Variants in COL13A1 observed in about 807,000 individuals in gnomAD.
The protein encoded by COL13A1 is collagen type XIII alpha 1 chain, also known as collagen alpha-1(XIII) chain.
COL13A1 carries 89 observed loss-of-function variants against 130.9 expected under a neutral mutation model. The observed-to-expected ratio is 0.68, with a 90% CI of 0.57 to 0.81. The LOEUF (loss-of-function observed/expected upper bound fraction) is 0.81. Ranked by LOEUF, COL13A1 falls within the 30% of genes least tolerant of loss-of-function variation. The probability of loss-of-function intolerance (pLI) is 0.00; values close to 1 mark genes in which losing one functional copy is unlikely to be tolerated. For synonymous variants in COL13A1, 402 were observed against 341.6 expected, an observed-to-expected ratio of 1.18 and a Z score of -1.95; for missense variants, 879 against 934.6, an observed-to-expected ratio of 0.94 and a Z score of 0.78.
At chr10:69,920,937 A>G (rs1459515039) in intron 21 of COL13A1, among the ~76,000 whole-genome samples, 2 of 152,170 alleles carry the variant, frequency 1.3e-5, no homozygotes. Flanking sequence ...GGGGTTCAGC[A>G]TCTCTAAGGG....
intron 2 of COL13A1, among the ~76,000 whole-genome samples, chr10:69,835,288 A>G (rs1292653493): frequency 6.6e-6 from 1 of 152,196 alleles, no homozygotes; most frequent in Non-Finnish European, 1.5e-5. Context: ...GGAAAGGAGC[A>G]GCAAGTGGGA....
intron 4 of COL13A1, among the ~76,000 whole-genome samples, chr10:69,874,257 C>A (rs2059368726): frequency 6.6e-6 from 1 of 152,186 alleles, no homozygotes; most frequent in Non-Finnish European, 1.5e-5. Flanking sequence ...GTGGGGTTAG[C>A]AGACGCAGAG....
chr10:69,934,669 A>T lies in COL13A1; in HGVS notation c.1729-681A>T, dbSNP rs557166323. On this transcript the variant is annotated intron_variant, in intron 31 of 40. Coordinates refer to ENST00000645393, the MANE Select transcript of COL13A1 (RefSeq NM_001368882.1). ...CTGCAATGGGCACCACCCTCTGTAGAGGAGGCAGCCCTGAGCTCCTCCATC... is the reference window on the plus strand; with the variant it reads ...CTGCAATGGGCACCACCCTCTGTAGTGGAGGCAGCCCTGAGCTCCTCCATC... Among the ~76,000 whole-genome samples the T allele has an allele frequency of 9.2e-5, 14 of 152,360 alleles. No individual in the cohort carries two copies. In the South Asian group the frequency reaches 2.7e-3, roughly 29 times the overall value.
chr10:69,849,632 C>G (rs377176544), intron 2 of COL13A1, among the ~76,000 whole-genome samples: 1 of 152,204 alleles, frequency 6.6e-6, no homozygotes, highest in East Asian at 1.9e-4. Context: ...CTGTGTGTAG[C>G]CTTCTGTTGT....
intron 18 of COL13A1, 103 bp from the exon 19 acceptor site, chr10:69,918,179 GTCC>G (rs1298396162): frequency 1.5e-5 from 15 of 998,692 alleles, no homozygotes; most frequent in Non-Finnish European, 2.2e-5. Flanking sequence ...GGAGTGAGCG[GTCC>G]TCCTTCTCAT....
intron 7 of COL13A1, among the ~76,000 whole-genome samples, chr10:69,881,277 G>A (rs1589266426): frequency 6.6e-6 from 1 of 152,190 alleles, no homozygotes; most frequent in East Asian, 1.9e-4. Context: ...TCTCAGAAGG[G>A]GAAACTGAGG....
intron 14 of COL13A1, among the ~76,000 whole-genome samples, chr10:69,902,318 A>G (rs929329062): frequency 6.6e-6 from 1 of 152,178 alleles, no homozygotes; most frequent in African/African-American, 2.4e-5. Flanking sequence ...TTCCCATTCT[A>G]TGGCTGAGAG....
At chr10:69,953,465 A>G (rs2070006266) in intron 39 of COL13A1, among the ~76,000 whole-genome samples, 2 of 152,176 alleles carry the variant, frequency 1.3e-5, no homozygotes, top group Non-Finnish European at 2.9e-5. Context: ...AGGCCAGATG[A>G]GGGGCTTCTA....
rs1047597097 is a variant in COL13A1 at position 69,918,306 on chromosome 10, G to A, written c.988G>A (p.Ala330Thr). The change falls in exon 19 of 41, where the codon GCT (alanine) becomes ACT (threonine). Residue 330 changes from alanine (A) to threonine (T), a missense_variant. This residue lies in a region of COL13A1 where 715 missense variants were observed against 721.0 expected (regional missense o/e 0.99). Coordinates refer to ENST00000645393, the MANE Select transcript of COL13A1 (RefSeq NM_001368882.1). Reference sequence around the variant, plus strand: ...CCAGGGGGCGCCCGGAATTGCCGTGGCTGGGATGAAGGTCAGTGGACTGTT... The same window carrying A: ...CCAGGGGGCGCCCGGAATTGCCGTGACTGGGATGAAGGTCAGTGGACTGTT... Reference protein sequence around the residue: ...GAKGAPGIAVAGMKGEPGIPG... With the variant: ...GAKGAPGIAVTGMKGEPGIPG... 1.9e-6 allele frequency: 3 copies of A among 1,613,100 alleles called. No individual in the cohort carries two copies. Among genetic ancestry groups the A allele is most frequent in the Non-Finnish European group, 2.5e-6 (3 of 1,179,594 alleles).
At chr10:69,852,207 G>A (rs887746416) in intron 2 of COL13A1, among the ~76,000 whole-genome samples, 11 of 152,106 alleles carry the variant, frequency 7.2e-5, no homozygotes, top group East Asian at 1.9e-4. Flanking sequence ...TTCCAGCCCC[G>A]TCTACTATAT....
intron 1 of COL13A1, 129 bp from the exon 2 acceptor site, chr10:69,822,240 T>G: frequency 1.6e-6 from 1 of 613,298 alleles, no homozygotes; most frequent in Non-Finnish European, 2.7e-6. Flanking sequence ...ATTAACTGCC[T>G]GTCTTTGATC....
At chr10:69,831,299 A>G (rs1477648738) in intron 2 of COL13A1, among the ~76,000 whole-genome samples, 2 of 152,198 alleles carry the variant, frequency 1.3e-5, no homozygotes, top group African/African-American at 4.8e-5. Flanking sequence ...CAGGGGGTCA[A>G]GCCCTGCTCA....
At chr10:69,803,011 G>A (rs1196716003) in intron 1 of COL13A1, among the ~76,000 whole-genome samples, 1 of 152,230 alleles carries the variant, frequency 6.6e-6, no homozygotes, top group Non-Finnish European at 1.5e-5. Context: ...GGCGCGCGGA[G>A]GCTCGCGGAG....
At chr10:69,909,273 T>C (rs532827773) in intron 17 of COL13A1, among the ~76,000 whole-genome samples, 53 of 152,316 alleles carry the variant, frequency 3.5e-4, no homozygotes, top group African/African-American at 1.2e-3. Context: ...TTCCCCTTCA[T>C]GCTGGACTCT....
chr10:69,878,122 C>G (rs2134241897), intron 6 of COL13A1, 57 bp downstream of exon 6: 1 of 701,620 alleles, frequency 1.4e-6, no homozygotes, highest in South Asian at 1.5e-5. Flanking sequence ...CAGGTGGACT[C>G]TTGATGGGAG....
intron 35 of COL13A1, 52 bp from the exon 36 acceptor site, chr10:69,944,073 G>A: frequency 6.6e-7 from 1 of 1,514,098 alleles, no homozygotes; most frequent in Non-Finnish European, 9.2e-7. Context: ...GGGGCACCCA[G>A]GGCTCCCCAG....
chr10:69,905,666 G>A, intron 16 of COL13A1, 121 bp from the exon 17 acceptor site: 1 of 1,081,952 alleles, frequency 9.2e-7, no homozygotes, highest in Non-Finnish European at 1.4e-6. Context: ...GATGGGTGTT[G>A]AAGGGGCAGT....
chr10:69,905,736 A>T, intron 16 of COL13A1, 51 bp from the exon 17 acceptor site: 1 of 1,600,882 alleles, frequency 6.2e-7, no homozygotes, highest in South Asian at 1.1e-5. Flanking sequence ...GCACAAGTCA[A>T]AGTTTGGCAG....
At chr10:69,825,601 C>T (rs1174908407) in intron 2 of COL13A1, among the ~76,000 whole-genome samples, 1 of 152,174 alleles carries the variant, frequency 6.6e-6, no homozygotes, top group Admixed American at 6.5e-5. Context: ...TGGGACAAAA[C>T]AAACACACTC....
Sources: allele counts gnomAD v4.1 joint callset (sites outside exome capture counted in the v4.1 genomes callset), GRCh38; gene constraint gnomAD v4.1.1; regional missense constraint gnomAD v4.1.1; transcripts MANE v1.5; gene names NCBI Gene and HGNC (gene_info 2026-07-23, HGNC 2026-07-21).